SLCO4A1: variants seen among roughly 807,000 people sequenced by gnomAD.
SLCO4A1 encodes solute carrier organic anion transporter family member 4A1.
A neutral mutation model predicts 64.6 loss-of-function variants in SLCO4A1; 51 were observed. That is an observed-to-expected ratio of 0.79 (90% CI 0.63 to 1.00). The LOEUF is 1.00. Among genes scored for constraint, SLCO4A1 ranks in the 50% least tolerant of loss-of-function variants. SLCO4A1 has a pLI of 0.00. For synonymous variants in SLCO4A1, 471 were observed against 444.9 expected (o/e 1.06, Z -0.74); for missense variants, 919 against 980.5 (o/e 0.94, Z 0.84).
chr20:62,672,853 C>CCTGCAGCCCCAGGGCCTCTCTGAGGA, downstream of SLCO4A1, among the ~76,000 whole-genome samples: 1 of 152,158 alleles, frequency 6.6e-6, no homozygotes, highest in Non-Finnish European at 1.5e-5. Context: ...CTCGCTGAGC[C>CCTGCAGCCCCAGGGCCTCTCTGAGGA]CTGCAGCCCC....
At chr20:62,678,987 G>A (rs1198494936) in intron 2 of SLCO4A1, among the ~76,000 whole-genome samples, 2 of 152,190 alleles carry the variant, frequency 1.3e-5, no homozygotes, top group Non-Finnish European at 2.9e-5. Flanking sequence ...GGGAGGCCGA[G>A]GCAGGCAGAT....
intron 5 of SLCO4A1, among the ~76,000 whole-genome samples, chr20:62,662,819 G>T: frequency 7.7e-6 from 1 of 129,352 alleles, no homozygotes; most frequent in East Asian, 2.4e-4. Flanking sequence ...CCCCCCCAGG[G>T]TGCCCACCCC....
intron 11 of SLCO4A1, among the ~76,000 whole-genome samples, chr20:62,671,385 A>G (rs983605597): frequency 1.3e-5 from 2 of 151,558 alleles, no homozygotes; most frequent in African/African-American, 4.9e-5. Flanking sequence ...CAGTCATTGG[A>G]TTTGGGGCCC....
rs188450228 is a variant in SLCO4A1, at chr20:62,672,057, C to T, written c.*164C>T. The T allele has an allele frequency of 1.0e-3, 1,562 of 1,527,864 alleles. 13 individuals are homozygous for T. In the African/African-American group the frequency reaches 0.018, roughly 18 times the overall value. The allele number at this position is 1,527,864 out of a possible 1,614,324, so 94.6% of individuals were successfully genotyped here. A position where few individuals can be genotyped will look rare whatever the true frequency, so the allele number is the denominator to read the frequency against. ...GTGACCTCCTGTCCCCAGAGCTGTA[C>T]GGCCCTGCAGTGGGTGGGAGGAACT... On this transcript the variant is annotated 3_prime_UTR_variant, in exon 12 of 12. Coordinates refer to ENST00000217159, the MANE Select transcript of SLCO4A1 (RefSeq NM_016354.4).
rs1015528641 is a variant in SLCO4A1 at position 62,661,015 on chromosome 20, C to T, written c.1010-49C>T. Reference sequence around the variant, plus strand: ...CAGAGCCTCTCTCGGAGAAGTCCACCTCCGGGAGCCCCCAGCCCCCAGCCC... The same window carrying T: ...CAGAGCCTCTCTCGGAGAAGTCCACTTCCGGGAGCCCCCAGCCCCCAGCCC... On this transcript the variant is annotated intron_variant, in intron 4 of 11. Transcript: ENST00000217159. The surrounding 1 kb of genome is among the most constrained non-coding windows in gnomAD (Gnocchi z 5.2). 4 of 694,642 alleles carry T rather than the reference C, an allele frequency of 5.8e-6. No homozygotes were observed. Among genetic ancestry groups the T allele is most frequent in the Non-Finnish European group, 6.8e-6 (3 of 439,166 alleles). 43.0% of individuals were successfully genotyped at this position (694,642 alleles called of 1,614,324 possible). A position where few individuals can be genotyped will look rare whatever the true frequency, so the allele number is the denominator to read the frequency against.
intron 2 of SLCO4A1, among the ~76,000 whole-genome samples, chr20:62,683,153 C>T (rs1303613332): frequency 2.6e-5 from 4 of 152,220 alleles, no homozygotes; most frequent in African/African-American, 7.2e-5. Flanking sequence ...ATGTGATCAC[C>T]GTTTAATGAC....
chr20:62,670,707 C>T (rs1987094738), intron 11 of SLCO4A1, among the ~76,000 whole-genome samples: 1 of 152,244 alleles, frequency 6.6e-6, no homozygotes, highest in Admixed American at 6.5e-5. Context: ...CACACGCAGC[C>T]ATCCCCTGGG....
intron 1 of SLCO4A1, among the ~76,000 whole-genome samples, chr20:62,647,932 G>A (rs1404688510): frequency 2.6e-5 from 4 of 152,224 alleles, no homozygotes; most frequent in South Asian, 4.1e-4. Flanking sequence ...CTCCTATCCC[G>A]GAGATGCAGC....
chr20:62,669,146 G>A (rs1001333292), intron 11 of SLCO4A1, 68 bp downstream of exon 11: 11 of 1,487,976 alleles, frequency 7.4e-6, no homozygotes, highest in Middle Eastern at 1.7e-4. Flanking sequence ...AACATGCCGC[G>A]ATCTTCCAGC....
In SLCO4A1 at chr20:62,661,722, G is replaced by A. The variant is rs1314986449; in HGVS notation, c.1121+547G>A. ...CTCCCCCCTCTACCCGGCGTGTCCC[G>A]CTCACCCTCTGGGGAGGTTGCTTGC... On this transcript the variant is annotated intron_variant, in intron 5 of 11. Transcript: ENST00000217159. This position sits in a 1 kb window ranked among gnomAD's most constrained non-coding sequence, Gnocchi z 5.2. Among the ~76,000 whole-genome samples, 3 of 150,978 alleles carry A rather than the reference G, an allele frequency of 2.0e-5. No homozygotes were observed. The highest frequency in any genetic ancestry group is 3.0e-5 in the Non-Finnish European group (2 of 67,788).
chr20:62,662,815 C>T (rs1172611070), intron 5 of SLCO4A1, among the ~76,000 whole-genome samples: 5 of 135,566 alleles, frequency 3.7e-5, no homozygotes, highest in Non-Finnish European at 8.0e-5. Flanking sequence ...AGAACCCCCC[C>T]AGGGTGCCCA....
At position 62,666,598 on chromosome 20, in the gene SLCO4A1, G is replaced by C. The variant is rs200142308; in HGVS notation, c.1472+23G>C. On this transcript the variant is annotated intron_variant, in intron 7 of 11. Coordinates refer to ENST00000217159, the MANE Select transcript of SLCO4A1 (RefSeq NM_016354.4). ...GAGGTGAGGGCCAGATGGCACCTGG[G>C]TACGCGTCGGGGCCCCAAGCACCCG... 2.9e-4 allele frequency: 460 copies of C among 1,605,430 alleles called. 3 individuals carry two copies. The African/African-American group carries it at 5.5e-3, about 19-fold the overall frequency.
chr20:62,685,418 T>G lies in SLCO4A1; in HGVS notation n.212-23T>G. ...TGACCAAGCGGGCTGTTTTCTTGCT[T>G]TGTTTGTTGTTTTTTTCTTAAGGAA... On this transcript the variant is annotated intron_variant and non_coding_transcript_variant, in intron 2 of 2. Coordinates refer to the SLCO4A1 transcript ENST00000466818. This position sits in a 1 kb window ranked among gnomAD's most constrained non-coding sequence, Gnocchi z 4.6. 1.0e-6 allele frequency: 1 copy of G among 983,556 alleles called. No individual in the cohort carries two copies. The highest frequency in any genetic ancestry group is 1.2e-6 in the Non-Finnish European group (1 of 828,216). The allele number at this position is 983,556 out of a possible 1,614,324, so 60.9% of individuals were successfully genotyped here.
chr20:62,667,418 T>C (rs6011521), intron 7 of SLCO4A1: 3,738 of 286,884 alleles, frequency 0.013, 116 homozygotes, highest in African/African-American at 0.072. Flanking sequence ...ACTTGGCGCT[T>C]TTTCTTTCCT....
At chr20:62,669,171 C>A in intron 11 of SLCO4A1, 93 bp downstream of exon 11, 1 of 1,229,210 alleles carries the variant, frequency 8.1e-7, no homozygotes, top group African/African-American at 1.5e-5. Context: ...TGGACCACAG[C>A]CTAGTACATC....
chr20:62,655,998 G>A (rs1017764835), intron 1 of SLCO4A1, among the ~76,000 whole-genome samples: 29 of 152,214 alleles, frequency 1.9e-4, no homozygotes, highest in Admixed American at 7.9e-4. Flanking sequence ...CGGCCTCTGC[G>A]TCTCAGCTCC....
intron 1 of SLCO4A1, among the ~76,000 whole-genome samples, chr20:62,648,159 C>T (rs1981735399): frequency 1.3e-5 from 2 of 152,384 alleles, no homozygotes; most frequent in South Asian, 2.1e-4. Context: ...GCAGCAACAT[C>T]CCCCCTTCCT....
chr20:62,680,713 C>T (rs1242739685), intron 2 of SLCO4A1, among the ~76,000 whole-genome samples: 1 of 152,114 alleles, frequency 6.6e-6, no homozygotes, highest in East Asian at 1.9e-4. Context: ...GCCCCCCACC[C>T]CCTGGGATAC....
At chr20:62,669,154 A>G (rs1032346584) in intron 11 of SLCO4A1, 76 bp downstream of exon 11, 2 of 1,444,840 alleles carry the variant, frequency 1.4e-6, no homozygotes, top group South Asian at 1.2e-5. Context: ...GCGATCTTCC[A>G]GCAGCTTGGA....
Sources: gnomAD v4.1 joint callset for allele counts (sites outside exome capture counted in the v4.1 genomes callset) on GRCh38, gnomAD v4.1.1 for gene constraint, Gnocchi (gnomAD v3.1) non-coding constraint, MANE v1.5 for transcripts, NCBI Gene and HGNC (gene_info 2026-07-23, HGNC 2026-07-21) for gene names.